The following PTPRM variants were observed in gnomAD, a reference collection of about 807,000 sequenced individuals.
The protein encoded by PTPRM is protein tyrosine phosphatase receptor type M.
PTPRM carries 47 observed loss-of-function variants against 186.7 expected under a neutral mutation model. The ratio of observed to expected loss-of-function variants is 0.25; its 90% CI spans 0.20 to 0.32. The LOEUF (loss-of-function observed/expected upper bound fraction) is 0.32, where lower values mean the gene tolerates loss of function less well. Among genes scored for constraint, PTPRM ranks in the 10% least tolerant of loss-of-function variants. The pLI, the probability that PTPRM is intolerant of heterozygous loss-of-function variation, is 1.00. For missense variants in PTPRM, 1,494 were observed against 1,865.0 expected (o/e 0.80, Z 3.66); for synonymous variants, 668 against 674.9 (o/e 0.99, Z 0.16).
intron 11 of PTPRM, among the ~76,000 whole-genome samples, chr18:8,095,932 C>A (rs1300095034): frequency 6.6e-6 from 1 of 152,120 alleles, no homozygotes; most frequent in Non-Finnish European, 1.5e-5. Context: ...TATTTTTAAA[C>A]CCCAATTTTC....
At chr18:7,816,551 G>T (rs2044835994) in intron 2 of PTPRM, among the ~76,000 whole-genome samples, 1 of 152,128 alleles carries the variant, frequency 6.6e-6, no homozygotes, top group African/African-American at 2.4e-5. Context: ...CGTTAGTATT[G>T]TGAGGTCAAT....
chr18:8,047,308 T>A lies in PTPRM; in HGVS notation c.1133-22378T>A, dbSNP rs530772370. Among the ~76,000 whole-genome samples, 12 of 152,222 alleles carry A rather than the reference T, an allele frequency of 7.9e-5. No individual in the cohort carries two copies. In the South Asian group the frequency reaches 1.7e-3, roughly 21 times the overall value. On this transcript the variant is annotated intron_variant, in intron 7 of 32. Coordinates refer to ENST00000580170, the MANE Select transcript of PTPRM (RefSeq NM_001105244.2). The stretch of plus-strand genomic sequence containing the variant: ...ACATACTTGGTAGTAATAAAAAAAA[T>A]TTTTGTGGCAAATAAACAATTAAAA...
At chr18:8,123,959 G>A (rs2092261258) in intron 13 of PTPRM, among the ~76,000 whole-genome samples, 1 of 152,286 alleles carries the variant, frequency 6.6e-6, no homozygotes, top group Non-Finnish European at 1.5e-5. Context: ...GATGAAGCAT[G>A]CTGTTTACTA....
In PTPRM at chr18:7,567,674, A is replaced by T; in HGVS notation, c.-145A>T. On this transcript the variant is annotated 5_prime_UTR_variant, in exon 1 of 33. Transcript: ENST00000580170. The surrounding 1 kb of genome is among the most constrained non-coding windows in gnomAD (Gnocchi z 4.3). The stretch of plus-strand genomic sequence containing the variant: ...AGCCGCTGGAGTTCGGACTTCTGCA[A>T]CTGTTGGCACTTTGGGGGCTTGGCT... 1 of 672,012 alleles carries T rather than the reference A, an allele frequency of 1.5e-6. No individual in the cohort carries two copies. Among genetic ancestry groups the T allele is most frequent in the South Asian group, 2.5e-5 (1 of 40,756 alleles). The allele number at this position is 672,012 out of a possible 1,614,324, so 41.6% of individuals were successfully genotyped here.
At chr18:8,171,590 A>G (rs987408983) in intron 14 of PTPRM, among the ~76,000 whole-genome samples, 5 of 152,194 alleles carry the variant, frequency 3.3e-5, no homozygotes, top group African/African-American at 1.2e-4. Context: ...TTCTATGTCC[A>G]TGTCCTGTGT....
chr18:7,606,930 G>A (rs1389122267), intron 1 of PTPRM, among the ~76,000 whole-genome samples: 2 of 152,050 alleles, frequency 1.3e-5, no homozygotes, highest in Non-Finnish European at 2.9e-5. Flanking sequence ...TTGTTTTGGT[G>A]GAAACTGCTC....
At chr18:7,779,124 T>C (rs960055076) in intron 2 of PTPRM, among the ~76,000 whole-genome samples, 1 of 152,236 alleles carries the variant, frequency 6.6e-6, no homozygotes, top group African/African-American at 2.4e-5. Flanking sequence ...AGGTAACTTA[T>C]AATCATAGCT....
intron 26 of PTPRM, 59 bp downstream of exon 26, chr18:8,376,656 C>G: frequency 1.3e-6 from 2 of 1,547,896 alleles, no homozygotes; most frequent in Admixed American, 1.8e-5. Context: ...CCTGCATCTC[C>G]CCATTTCAGG....
At chr18:8,328,486 G>A (rs1016052492) in intron 22 of PTPRM, among the ~76,000 whole-genome samples, 5 of 152,228 alleles carry the variant, frequency 3.3e-5, no homozygotes, top group South Asian at 2.1e-4. Context: ...GTGTTAGCTA[G>A]CACTGTGCTT....
At chr18:8,027,305 G>T (rs192962290) in intron 7 of PTPRM, among the ~76,000 whole-genome samples, 4 of 152,030 alleles carry the variant, frequency 2.6e-5, no homozygotes, top group Admixed American at 2.6e-4. Flanking sequence ...CAATTATTTC[G>T]TGATCTTAGT....
chr18:8,053,086 G>A (rs1193896015), intron 7 of PTPRM, among the ~76,000 whole-genome samples: 2 of 152,072 alleles, frequency 1.3e-5, no homozygotes, highest in East Asian at 3.8e-4. Context: ...TTTAGTGGTT[G>A]CCAATGTCTT....
rs533688290 is a variant in PTPRM at position 7,809,508 on chromosome 18, G to A, written c.196+35237G>A. 7.9e-5 allele frequency among the ~76,000 whole-genome samples: 12 copies of A among 152,168 alleles called. No individual in the cohort carries two copies. In the South Asian group the frequency reaches 2.5e-3, roughly 32 times the overall value. On this transcript the variant is annotated intron_variant, in intron 2 of 32. Transcript: ENST00000580170. ...CTCCAGCCCAGGTGCACTGTCATGT[G>A]TTGCCCTTTCCAAGACAGGGTGCAG...
intron 2 of PTPRM, among the ~76,000 whole-genome samples, chr18:7,797,865 C>T (rs1359149375): frequency 6.6e-6 from 1 of 152,174 alleles, no homozygotes; most frequent in East Asian, 1.9e-4. Flanking sequence ...GCTGCTGCTG[C>T]CAGCACTGGT....
At chr18:7,654,673 G>A (rs1598306811) in intron 1 of PTPRM, among the ~76,000 whole-genome samples, 1 of 152,170 alleles carries the variant, frequency 6.6e-6, no homozygotes, top group Admixed American at 6.5e-5. Flanking sequence ...CATATGGCTA[G>A]TCAGTTACAC....
At position 8,379,257 on chromosome 18, in the gene PTPRM, A is replaced by C; in HGVS notation, c.3703A>C (p.Ile1235Leu). The C allele has an allele frequency of 6.2e-7, 1 of 1,614,138 alleles. No homozygotes were observed. The highest frequency in any genetic ancestry group is 8.5e-7 in the Non-Finnish European group (1 of 1,180,012). The change falls in exon 28 of 33, where the codon ATC becomes CTC. Residue 1235 changes from isoleucine (I) to leucine (L), a missense_variant. Transcript: ENST00000580170. ...CCATGAGAAAAACCGGTGCATGGAC[A>C]TCCTGCCCCCAGACCGCTGCCTGCC... ...RNHEKNRCMD[I>L]LPPDRCLPFL...
At chr18:7,764,602 C>T (rs2041933581) in intron 1 of PTPRM, among the ~76,000 whole-genome samples, 2 of 151,430 alleles carry the variant, frequency 1.3e-5, no homozygotes, top group African/African-American at 4.9e-5. Flanking sequence ...GTTGTTGAAA[C>T]TCTGGCTGCC....
intron 22 of PTPRM, among the ~76,000 whole-genome samples, chr18:8,338,648 A>G (rs1166982619): frequency 6.6e-6 from 1 of 152,236 alleles, no homozygotes; most frequent in Non-Finnish European, 1.5e-5. Flanking sequence ...GGTGAGCAAT[A>G]GGACCTATTT....
At chr18:8,016,004 G>T (rs2084835849) in intron 7 of PTPRM, among the ~76,000 whole-genome samples, 2 of 152,118 alleles carry the variant, frequency 1.3e-5, no homozygotes, top group Admixed American at 1.3e-4. Context: ...TTTTAACTAG[G>T]ATCCTTCTTC....
In PTPRM at chr18:8,305,501, C is replaced by A. The variant is rs541027343; in HGVS notation, c.2842+9046C>A. ...AGGCAGTATTGTTATTCCCATTTTA[C>A]AGTTGGGGAAACTGAGGCACAGAGC... On this transcript the variant is annotated intron_variant, in intron 20 of 32. Transcript: ENST00000580170. Among the ~76,000 whole-genome samples, 3 of 152,312 alleles carry A rather than the reference C, an allele frequency of 2.0e-5. No individual in the cohort carries two copies. The South Asian group carries it at 6.2e-4, about 32-fold the overall frequency.
Sources: allele counts gnomAD v4.1 joint callset (sites outside exome capture counted in the v4.1 genomes callset), GRCh38; gene constraint gnomAD v4.1.1; non-coding constraint Gnocchi (gnomAD v3.1); transcripts MANE v1.5; gene names NCBI Gene and HGNC (gene_info 2026-07-23, HGNC 2026-07-21).